Variants in C2CD3 observed in about 807,000 individuals in gnomAD.
C2CD3 encodes C2 domain-containing protein 3.
A neutral mutation model predicts 234.0 loss-of-function variants in C2CD3; 148 were observed. That is an observed-to-expected ratio of 0.63 (90% CI 0.55 to 0.72). The LOEUF (loss-of-function observed/expected upper bound fraction) is 0.72, where lower values mean the gene tolerates loss of function less well. Ranked by LOEUF, C2CD3 falls within the 30% of genes least tolerant of loss-of-function variation. The pLI, the probability that C2CD3 is intolerant of heterozygous loss-of-function variation, is 0.00. For synonymous variants in C2CD3, 1,000 were observed against 1,035.4 expected (o/e 0.97, Z 0.66); for missense variants, 2,577 against 2,811.5 (o/e 0.92, Z 1.89).
chr11:74,078,087 C>T (rs745881826), intron 23 of C2CD3, 28 bp downstream of exon 23: 2 of 1,596,286 alleles, frequency 1.3e-6, no homozygotes, highest in Admixed American at 3.4e-5. Context: ...GCTCAAACTA[C>T]AAGAGTTGAA....
At position 74,090,909 on chromosome 11, in the gene C2CD3, CT is replaced by C. The variant is rs1245799898; in HGVS notation, c.3544del (p.Arg1182GlyfsTer91). On this transcript the variant is annotated frameshift_variant, in exon 20 of 33. Transcript: ENST00000334126. LOFTEE classifies it high-confidence loss of function. ...TCCCTCTGCTGTTCTTGGACTACGC[CT>C]GTACCTTAGGCCCACATCCAGTAAA... ...SGLLDVGLRY[R>X]RSPRTAEGVL... 6.2e-7 allele frequency: 1 copy of C among 1,614,072 alleles called. No individual in the cohort carries two copies. The highest frequency in any genetic ancestry group is 1.3e-5 in the African/African-American group (1 of 75,044).
chr11:74,124,703 G>GT (rs908255538), intron 7 of C2CD3, among the ~76,000 whole-genome samples: 31 of 152,138 alleles, frequency 2.0e-4, no homozygotes, highest in African/African-American at 6.5e-4. Context: ...CAGCCCAGGA[G>GT]TTTGAGACCT....
chr11:74,058,788 G>A (rs888156905), intron 24 of C2CD3, among the ~76,000 whole-genome samples: 1 of 151,974 alleles, frequency 6.6e-6, no homozygotes, highest in Non-Finnish European at 1.5e-5. Context: ...TAACTGAGCT[G>A]TCCAGGAAGA....
intron 11 of C2CD3, among the ~76,000 whole-genome samples, chr11:74,112,069 A>G (rs946164968): frequency 1.3e-5 from 2 of 152,174 alleles, no homozygotes; most frequent in Middle Eastern, 3.2e-3. Context: ...CAACCGTTCA[A>G]TTTTGAACCA....
chr11:74,022,272 G>A (rs1952122220), intron 32 of C2CD3, among the ~76,000 whole-genome samples: 1 of 152,178 alleles, frequency 6.6e-6, no homozygotes, highest in South Asian at 2.1e-4. Context: ...AAAGGAGCAG[G>A]GGTGAGAGAT....
chr11:74,094,080 ATTAC>A, intron 17 of C2CD3, 81 bp from the exon 18 acceptor site: 1 of 1,141,220 alleles, frequency 8.8e-7, no homozygotes, highest in Non-Finnish European at 1.3e-6. Context: ...TCCAGTGAAT[ATTAC>A]TTAGTAATTC....
chr11:74,085,342 C>A (rs994198272), intron 21 of C2CD3, among the ~76,000 whole-genome samples: 4 of 152,098 alleles, frequency 2.6e-5, no homozygotes, highest in African/African-American at 9.7e-5. Flanking sequence ...TTCAGGTATA[C>A]AGAAAAGTTG....
chr11:74,083,299 G>C (rs951825335), intron 22 of C2CD3, among the ~76,000 whole-genome samples: 1 of 152,118 alleles, frequency 6.6e-6, no homozygotes, highest in Non-Finnish European at 1.5e-5. Context: ...ATTCAAGATG[G>C]ATTAAAGATT....
At chr11:74,075,095 C>CAAAAT (rs1171279629) in intron 23 of C2CD3, among the ~76,000 whole-genome samples, 1 of 151,898 alleles carries the variant, frequency 6.6e-6, no homozygotes, top group Non-Finnish European at 1.5e-5. Context: ...AAAAACAAAA[C>CAAAAT]AAAATAAAAC....
At chr11:74,061,032 G>C (rs1954212577) in intron 24 of C2CD3, among the ~76,000 whole-genome samples, 1 of 152,156 alleles carries the variant, frequency 6.6e-6, no homozygotes, top group Non-Finnish European at 1.5e-5. Flanking sequence ...ATCAGTGATT[G>C]AAGATCAAAT....
chr11:74,165,984 C>G (rs1040022554), intron 2 of C2CD3, among the ~76,000 whole-genome samples: 1 of 152,096 alleles, frequency 6.6e-6, no homozygotes, highest in Non-Finnish European at 1.5e-5. Flanking sequence ...TGAGCCACCA[C>G]GTTCAGCCTC....
Position 74,170,857 on chromosome 11 carries a change from C to T in C2CD3, c.-65G>A, listed in dbSNP as rs1205065598. On this transcript the variant is annotated 5_prime_UTR_variant, in exon 1 of 33. Transcript: ENST00000334126. ...CCAGCACCTAAGCAGTATCCTCCCG[C>T]CATCCCTCCCCACGGCGCCTGCGTT... The T allele has an allele frequency of 2.5e-6, 4 of 1,607,456 alleles. No homozygotes were observed. The highest frequency in any genetic ancestry group is 3.4e-6 in the Non-Finnish European group (4 of 1,176,856).
chr11:74,109,014 G>T lies in C2CD3; in HGVS notation c.1962+20C>A, dbSNP rs994122498. 2.2e-6 allele frequency: 3 copies of T among 1,347,926 alleles called. No individual in the cohort carries two copies. The highest frequency in any genetic ancestry group is 3.2e-6 in the Non-Finnish European group (3 of 940,550). 83.5% of individuals were successfully genotyped at this position (1,347,926 alleles called of 1,614,324 possible). On this transcript the variant is annotated intron_variant, in intron 12 of 32. Coordinates refer to ENST00000334126, the MANE Select transcript of C2CD3 (RefSeq NM_001286577.2). ...TCCCTAGTGTGAAGGTAAGGCAAAG[G>T]CCAAAATCACTCAAAGTACCTTTTT... is the stretch of plus-strand genomic sequence containing the variant.
At chr11:74,134,949 T>C (rs568558908) in intron 5 of C2CD3, among the ~76,000 whole-genome samples, 3 of 152,304 alleles carry the variant, frequency 2.0e-5, no homozygotes, top group Admixed American at 2.0e-4. Flanking sequence ...GGTCTTGAAC[T>C]ATTGGCCTCA....
At chr11:74,102,010 G>C (rs924072289) in intron 14 of C2CD3, among the ~76,000 whole-genome samples, 1 of 152,118 alleles carries the variant, frequency 6.6e-6, no homozygotes, top group Non-Finnish European at 1.5e-5. Flanking sequence ...AAAGAGAGCT[G>C]GGAAACAGCT....
chr11:74,165,642 T>C (rs1856756678), intron 2 of C2CD3, among the ~76,000 whole-genome samples: 1 of 152,140 alleles, frequency 6.6e-6, no homozygotes, highest in South Asian at 2.1e-4. Flanking sequence ...GTCTTATCTC[T>C]TCATTTTCTG....
chr11:74,096,038 G>C (rs1191561279), intron 16 of C2CD3, among the ~76,000 whole-genome samples: 1 of 152,168 alleles, frequency 6.6e-6, no homozygotes, highest in African/African-American at 2.4e-5. Flanking sequence ...GACTACTTTG[G>C]GAGGTAGTGA....
At chr11:74,122,342 G>C (rs888731254) in intron 8 of C2CD3, among the ~76,000 whole-genome samples, 1 of 152,124 alleles carries the variant, frequency 6.6e-6, no homozygotes. Context: ...AGCCCTCACT[G>C]GCTTACTACT....
chr11:74,162,716 T>C (rs1427312210), intron 2 of C2CD3, among the ~76,000 whole-genome samples: 1 of 152,192 alleles, frequency 6.6e-6, no homozygotes, highest in Admixed American at 6.5e-5. Flanking sequence ...ATAGCAAGTA[T>C]TTGATAAGAA....
Sources: gnomAD v4.1 joint callset for allele counts (sites outside exome capture counted in the v4.1 genomes callset) on GRCh38, gnomAD v4.1.1 for gene constraint, MANE v1.5 for transcripts, NCBI Gene and HGNC (gene_info 2026-07-23, HGNC 2026-07-21) for gene names.